FER: variants seen among roughly 807,000 people sequenced by gnomAD.
The protein encoded by FER is FER tyrosine kinase, also known as tyrosine-protein kinase Fer.
A neutral mutation model predicts 111.0 loss-of-function variants in FER; 63 were observed. The observed-to-expected ratio is 0.57, with a 90% CI of 0.46 to 0.70. The LOEUF is 0.70. Ranked by LOEUF, FER falls within the 30% of genes least tolerant of loss-of-function variation. The pLI is 0.00. For missense variants in FER, 914 were observed against 954.0 expected (o/e 0.96, Z 0.55); for synonymous variants, 327 against 313.9 (o/e 1.04, Z -0.44).
intron 16 of FER, among the ~76,000 whole-genome samples, chr5:109,072,100 T>C (rs1435020823): frequency 6.6e-6 from 1 of 151,880 alleles, no homozygotes; most frequent in African/African-American, 2.4e-5. Flanking sequence ...TACATTGTAC[T>C]GTTTGATATA....
chr5:109,194,525 T>C lies in FER; in HGVS notation c.*6950T>C, dbSNP rs1027673348. ...CAAAGCAGATTCTAAAATGACATAGTAAGAAGCCAGATTCAAATTGTAACC... is the reference window on the plus strand; with the variant it reads ...CAAAGCAGATTCTAAAATGACATAGCAAGAAGCCAGATTCAAATTGTAACC... On this transcript the variant is annotated 3_prime_UTR_variant, in exon 20 of 20. Coordinates refer to ENST00000281092, the MANE Select transcript of FER (RefSeq NM_005246.4). The C allele has an allele frequency of 6.6e-6, 1 of 152,144 alleles. No individual in the cohort carries two copies. The highest frequency in any genetic ancestry group is 2.4e-5 in the African/African-American group (1 of 41,434). The allele number at this position is 152,144 out of a possible 1,614,324, so 9.4% of individuals were successfully genotyped here. A position where few individuals can be genotyped will look rare whatever the true frequency, so the allele number is the denominator to read the frequency against.
At chr5:108,855,603 A>AAAC (rs918670436) in intron 5 of FER, among the ~76,000 whole-genome samples, 8 of 151,994 alleles carry the variant, frequency 5.3e-5, no homozygotes, top group Non-Finnish European at 1.2e-4. Context: ...CGAAAAAAAA[A>AAAC]AAAAAAAGAA....
At chr5:108,785,483 G>C in intron 2 of FER, 2 of 571,824 alleles carry the variant, frequency 3.5e-6, no homozygotes, top group Non-Finnish European at 7.0e-6. Flanking sequence ...CTGGTCTGTT[G>C]GTGGTCATTT....
chr5:108,873,011 C>T (rs1764749021), intron 8 of FER, among the ~76,000 whole-genome samples: 2 of 152,142 alleles, frequency 1.3e-5, no homozygotes, highest in South Asian at 4.1e-4. Flanking sequence ...CCAAATGTCC[C>T]CACCTAATAT....
At position 109,108,061 on chromosome 5, in the gene FER, A is replaced by G. The variant is rs73215508; in HGVS notation, c.2048+7542A>G. 7.2e-3 allele frequency among the ~76,000 whole-genome samples: 1,096 copies of G among 152,268 alleles called. 8 individuals carry two copies. Among genetic ancestry groups the G allele is most frequent in the African/African-American group, 0.025 (1,043 of 41,570 alleles). Reference sequence around the variant, plus strand: ...GCCAATCTCTTGTGTGCAAGGGGATAGTTCTCAGATGATGGGGCATGTACT... The same window carrying G: ...GCCAATCTCTTGTGTGCAAGGGGATGGTTCTCAGATGATGGGGCATGTACT... On this transcript the variant is annotated intron_variant, in intron 17 of 19. Coordinates refer to ENST00000281092, the MANE Select transcript of FER (RefSeq NM_005246.4).
At chr5:108,973,916 T>C (rs1375136424) in intron 13 of FER, among the ~76,000 whole-genome samples, 6 of 152,222 alleles carry the variant, frequency 3.9e-5, no homozygotes, top group Non-Finnish European at 7.3e-5. Context: ...GATCATGAGA[T>C]AGTCAATAAA....
rs554716544 is a variant in FER, at chr5:109,035,033, C to CTTT, written c.1657-2369_1657-2367dup. ...TTCAATGAAACACCAAGAAATTGAA[C>CTTT]TTTTTTTTTTTTTTTTTTTTTTACT... On this transcript the variant is annotated intron_variant, in intron 13 of 19. Transcript: ENST00000281092. Among the ~76,000 whole-genome samples, 259 of 119,630 alleles carry CTTT rather than the reference C, an allele frequency of 2.2e-3. 2 individuals carry two copies. Among genetic ancestry groups the CTTT allele is most frequent in the South Asian group, 3.8e-3 (14 of 3,640 alleles). 78.5% of individuals were successfully genotyped at this position (119,630 alleles called of 152,430 possible). A position where few individuals can be genotyped will look rare whatever the true frequency, so the allele number is the denominator to read the frequency against.
intron 16 of FER, among the ~76,000 whole-genome samples, chr5:109,081,569 G>T (rs890746090): frequency 5.3e-5 from 8 of 151,884 alleles, no homozygotes; most frequent in Non-Finnish European, 1.0e-4. Flanking sequence ...TGATATCTAA[G>T]GAAAAGGATA....
intron 13 of FER, among the ~76,000 whole-genome samples, chr5:108,982,652 CAGTAAAT>C (rs979757225): frequency 6.6e-6 from 1 of 152,014 alleles, no homozygotes; most frequent in Non-Finnish European, 1.5e-5. Flanking sequence ...TGATTTGAAA[CAGTAAAT>C]AGTAAAGTTC....
chr5:109,061,915 C>T (rs1774462217), intron 16 of FER, among the ~76,000 whole-genome samples: 1 of 152,018 alleles, frequency 6.6e-6, no homozygotes, highest in Non-Finnish European at 1.5e-5. Flanking sequence ...TATGTTTTAA[C>T]CAGAGTAATG....
At chr5:109,116,861 G>A (rs1750315767) in intron 17 of FER, among the ~76,000 whole-genome samples, 1 of 152,122 alleles carries the variant, frequency 6.6e-6, no homozygotes, top group Admixed American at 6.6e-5. Context: ...TCAGAGTAAG[G>A]ACTAAAGTGA....
At chr5:108,946,826 G>GT (rs536791751) in intron 11 of FER, among the ~76,000 whole-genome samples, 77 of 151,732 alleles carry the variant, frequency 5.1e-4, no homozygotes, top group African/African-American at 1.8e-3. Context: ...TGGAGAAGGA[G>GT]TTTTTTTTCC....
intron 1 of FER, among the ~76,000 whole-genome samples, chr5:108,757,314 C>CTTTG (rs929514994): frequency 1.1e-4 from 16 of 152,074 alleles, no homozygotes; most frequent in African/African-American, 3.9e-4. Context: ...CTTGCTTTGG[C>CTTTG]TTTGTTCTGT....
chr5:108,982,630 A>G (rs1189210844), intron 13 of FER, among the ~76,000 whole-genome samples: 9 of 152,230 alleles, frequency 5.9e-5, no homozygotes, highest in Admixed American at 1.3e-4. Context: ...ATTCACTGCA[A>G]TCATTCTGAA....
At chr5:109,019,776 C>G (rs1767686798) in intron 13 of FER, among the ~76,000 whole-genome samples, 3 of 151,754 alleles carry the variant, frequency 2.0e-5, no homozygotes, top group Admixed American at 2.0e-4. Flanking sequence ...GAGTTACACA[C>G]CTGACAATAA....
At chr5:108,883,813 C>T (rs776343153) in intron 9 of FER, among the ~76,000 whole-genome samples, 3 of 151,926 alleles carry the variant, frequency 2.0e-5, no homozygotes, top group Non-Finnish European at 4.4e-5. Flanking sequence ...TAAAAGCTGT[C>T]TTTACTTTCC....
intron 9 of FER, among the ~76,000 whole-genome samples, chr5:108,890,056 A>G (rs1747793026): frequency 6.6e-6 from 1 of 152,002 alleles, no homozygotes; most frequent in African/African-American, 2.4e-5. Flanking sequence ...GAACATTTCC[A>G]TCACTACAAG....
intron 5 of FER, among the ~76,000 whole-genome samples, chr5:108,866,390 AC>A (rs1290173452): frequency 1.3e-5 from 2 of 152,202 alleles, no homozygotes; most frequent in African/African-American, 2.4e-5. Context: ...AACAGTGAGA[AC>A]ACATGGACAC....
chr5:109,055,018 C>T, intron 16 of FER, among the ~76,000 whole-genome samples: 1 of 152,030 alleles, frequency 6.6e-6, no homozygotes, highest in East Asian at 1.9e-4. Flanking sequence ...GAAATAAATC[C>T]AAACATATAC....
Sources: gnomAD v4.1 joint callset for allele counts (sites outside exome capture counted in the v4.1 genomes callset) on GRCh38, gnomAD v4.1.1 for gene constraint, MANE v1.5 for transcripts, NCBI Gene and HGNC (gene_info 2026-07-23, HGNC 2026-07-21) for gene names.